SRR: variants seen among roughly 807,000 people sequenced by gnomAD.
SRR encodes serine racemase, also known as D-serine ammonia-lyase.
A neutral mutation model predicts 32.7 loss-of-function variants in SRR; 19 were observed. The ratio of observed to expected loss-of-function variants is 0.58; its 90% confidence interval spans 0.40 to 0.85. The LOEUF is 0.85. SRR is among the 40% of genes least tolerant of loss of function. The pLI, the probability that SRR is intolerant of heterozygous loss-of-function variation, is 0.00. For missense variants in SRR, 373 were observed against 404.7 expected (o/e 0.92, Z 0.67); for synonymous variants, 142 against 140.9 (o/e 1.01, Z -0.06).
At chr17:2,314,766 A>T (rs2075458676) in intron 1 of SRR, among the ~76,000 whole-genome samples, 1 of 151,830 alleles carries the variant, frequency 6.6e-6, no homozygotes, top group South Asian at 2.1e-4. Context: ...AAAACAAAAA[A>T]AAAGAAAATG....
At chr17:2,312,403 G>T (rs898474554) in intron 1 of SRR, among the ~76,000 whole-genome samples, 5 of 151,968 alleles carry the variant, frequency 3.3e-5, no homozygotes, top group African/African-American at 1.2e-4. Flanking sequence ...AGACCATCCT[G>T]GCTAACACAG....
At chr17:2,305,100 G>A (rs2075376279) in intron 1 of SRR, among the ~76,000 whole-genome samples, 1 of 152,266 alleles carries the variant, frequency 6.6e-6, no homozygotes, top group South Asian at 2.1e-4. Context: ...CTTTGTCACC[G>A]GAAGGTTAAG....
intron 4 of SRR, among the ~76,000 whole-genome samples, chr17:2,320,792 C>T (rs1258575994): frequency 1.3e-5 from 2 of 151,974 alleles, no homozygotes; most frequent in Non-Finnish European, 2.9e-5. Context: ...GAACTCCTGA[C>T]CTGAAGTGAT....
In SRR at chr17:2,324,064, A is replaced by G; in HGVS notation, c.*191A>G. On this transcript the variant is annotated 3_prime_UTR_variant, in exon 8 of 8. Coordinates refer to ENST00000344595, the MANE Select transcript of SRR (RefSeq NM_021947.3). ...AACTGAGACATTTTGTCAAGGCTAA[A>G]AAAAAGTCTTGCAAAATGGGGCAGT... 7.5e-7 allele frequency: 1 copy of G among 1,335,492 alleles called. No homozygotes were observed. The highest frequency in any genetic ancestry group is 1.0e-6 in the Non-Finnish European group (1 of 981,510). The allele number at this position is 1,335,492 out of a possible 1,614,324, so 82.7% of individuals were successfully genotyped here.
chr17:2,313,577 AAT>A (rs1216141870), intron 1 of SRR, among the ~76,000 whole-genome samples: 1 of 151,702 alleles, frequency 6.6e-6, no homozygotes, highest in Non-Finnish European at 1.5e-5. Context: ...CTCTACGAAA[AAT>A]ATAAAAATTA....
intron 1 of SRR, chr17:2,307,823 T>C (rs953031692): frequency 1.8e-5 from 12 of 681,762 alleles, no homozygotes; most frequent in African/African-American, 3.5e-5. Flanking sequence ...TGGCAGGGCC[T>C]AGCTGCTACA....
At chr17:2,322,893 T>C in intron 6 of SRR, 1 of 455,364 alleles carries the variant, frequency 2.2e-6, no homozygotes, top group Non-Finnish European at 4.1e-6. Context: ...GCCTCTTGAG[T>C]AGCTGGGATT....
intron 4 of SRR, 60 bp downstream of exon 4, chr17:2,318,989 T>A: frequency 8.4e-7 from 1 of 1,189,836 alleles, no homozygotes; most frequent in Non-Finnish European, 1.2e-6. Context: ...TGGCTCTTTC[T>A]ACCTTACTGG....
At position 2,317,023 on chromosome 17, in the gene SRR, T is replaced by G. The variant is rs530387669; in HGVS notation, c.169-847T>G. On this transcript the variant is annotated intron_variant, in intron 2 of 7. Coordinates refer to ENST00000344595, the MANE Select transcript of SRR (RefSeq NM_021947.3). ...TGGCATGAGTCACCGCACCCAGCCT[T>G]GGTGAAACACTTTCTACTAAAAATA... 6.0e-5 allele frequency among the ~76,000 whole-genome samples: 9 copies of G among 150,372 alleles called. No individual in the cohort carries two copies. The East Asian group carries it at 1.0e-3, about 17-fold the overall frequency.
At chr17:2,307,581 A>C (rs1402723823) in intron 1 of SRR, 5 of 1,038,204 alleles carry the variant, frequency 4.8e-6, no homozygotes, top group Non-Finnish European at 7.5e-6. Context: ...TTTTGGACCC[A>C]TGAAGGGAGG....
intron 4 of SRR, among the ~76,000 whole-genome samples, chr17:2,320,908 T>C (rs143509648): frequency 3.1e-4 from 47 of 152,312 alleles, no homozygotes; most frequent in African/African-American, 1.1e-3. Context: ...GTGCCAGCCA[T>C]ACTAACCTTT....
Position 2,324,204 on chromosome 17 carries a change from T to A in SRR, c.*331T>A. Reference sequence around the variant, plus strand: ...GAATCTCTTTGAATCCATTACTCCATGCCCCCTTGAGGCACTGTTGAAGAA... The same window carrying A: ...GAATCTCTTTGAATCCATTACTCCAAGCCCCCTTGAGGCACTGTTGAAGAA... On this transcript the variant is annotated 3_prime_UTR_variant, in exon 8 of 8. Coordinates refer to ENST00000344595, the MANE Select transcript of SRR (RefSeq NM_021947.3). 1 of 1,521,138 alleles carries A rather than the reference T, an allele frequency of 6.6e-7. No homozygotes were observed. The allele number at this position is 1,521,138 out of a possible 1,614,324, so 94.2% of individuals were successfully genotyped here. A position where few individuals can be genotyped will look rare whatever the true frequency, so the allele number is the denominator to read the frequency against.
At position 2,316,716 on chromosome 17, in the gene SRR, GTT is replaced by G. The variant is rs2075475814; in HGVS notation, c.168+991_168+992del. 2.0e-5 allele frequency among the ~76,000 whole-genome samples: 3 copies of G among 151,600 alleles called. 1 individual carries two copies. The South Asian group carries it at 6.3e-4, about 32-fold the overall frequency. ...ACATGATGAAACGCTTTTTTGTTTT[GTT>G]TTGTTTTGTTTTGAGACGGAGTCTC... On this transcript the variant is annotated intron_variant, in intron 2 of 7. Coordinates refer to ENST00000344595, the MANE Select transcript of SRR (RefSeq NM_021947.3).
chr17:2,317,829 G>C (rs1400961881), intron 2 of SRR, 41 bp from the exon 3 acceptor site: 2 of 1,595,000 alleles, frequency 1.3e-6, no homozygotes, highest in East Asian at 2.3e-5. Flanking sequence ...CCAAAACAAT[G>C]TTTTAATCAA....
In SRR at chr17:2,325,255, C is replaced by G; in HGVS notation, c.*1382C>G. 1 of 1,332,212 alleles carries G rather than the reference C, an allele frequency of 7.5e-7. No individual in the cohort carries two copies. Among genetic ancestry groups the G allele is most frequent in the Non-Finnish European group, 1.0e-6 (1 of 956,754 alleles). 82.5% of individuals were successfully genotyped at this position (1,332,212 alleles called of 1,614,324 possible). On this transcript the variant is annotated 3_prime_UTR_variant, in exon 8 of 8. Transcript: ENST00000344595. ...TAAATAAACAAGAGAAAACGGTGTT[C>G]ATCTATTAAGGACCTGCAGGGTCTG...
At chr17:2,304,960 T>C (rs371469484) in intron 1 of SRR, among the ~76,000 whole-genome samples, 5 of 152,300 alleles carry the variant, frequency 3.3e-5, no homozygotes, top group Admixed American at 6.5e-5. Flanking sequence ...CCTCCACCTG[T>C]TGCCCCTCCA....
intron 1 of SRR, chr17:2,306,804 G>C (rs2075394436): frequency 1.4e-6 from 1 of 732,988 alleles, no homozygotes; most frequent in Non-Finnish European, 2.5e-6. Flanking sequence ...AGCTGAAGAA[G>C]CTCTTCATTG....
upstream of SRR, chr17:2,303,663 C>A (rs1198318780): frequency 1.3e-6 from 2 of 1,493,092 alleles, no homozygotes; most frequent in East Asian, 2.9e-5. Flanking sequence ...GCCAGAGTAG[C>A]CAGGATCCCG....
chr17:2,324,384 C>T lies in SRR; in HGVS notation c.*511C>T, dbSNP rs1251453505. On this transcript the variant is annotated 3_prime_UTR_variant, in exon 8 of 8. Transcript: ENST00000344595. ...ATGTGGCCATGGGTACCTAGAAAGA[C>T]ATCAGAACAAGTCGGTCAAATTAAA... 5 of 1,583,234 alleles carry T rather than the reference C, an allele frequency of 3.2e-6. No individual in the cohort carries two copies. Among genetic ancestry groups the T allele is most frequent in the Non-Finnish European group, 4.3e-6 (5 of 1,166,516 alleles).
Sources: allele counts gnomAD v4.1 joint callset (sites outside exome capture counted in the v4.1 genomes callset), GRCh38; gene constraint gnomAD v4.1.1; transcripts MANE v1.5; gene names NCBI Gene and HGNC (gene_info 2026-07-23, HGNC 2026-07-21).